Variants in CSNK1E observed in about 807,000 individuals in gnomAD.
The protein encoded by CSNK1E is casein kinase I isoform epsilon.
A neutral mutation model predicts 46.1 loss-of-function variants in CSNK1E; 17 were observed. That is an observed-to-expected ratio of 0.37 (90% CI 0.25 to 0.55). The LOEUF is 0.55. Among genes scored for constraint, CSNK1E ranks in the 20% least tolerant of loss-of-function variants. The pLI, the probability that CSNK1E is intolerant of heterozygous loss-of-function variation, is 0.82. For synonymous variants in CSNK1E, 241 were observed against 242.6 expected (o/e 0.99, Z 0.06); for missense variants, 386 against 595.4 (o/e 0.65, Z 3.66).
chr22:38,295,083 T>G (rs1383373363), intron 7 of CSNK1E, among the ~76,000 whole-genome samples: 2 of 152,268 alleles, frequency 1.3e-5, no homozygotes, highest in Non-Finnish European at 2.9e-5. Context: ...ATCAGGGAGC[T>G]GTCCTTCCCC....
At chr22:38,293,408 T>G in intron 9 of CSNK1E, 89 bp from the exon 10 acceptor site, 1 of 830,754 alleles carries the variant, frequency 1.2e-6, no homozygotes, top group South Asian at 1.5e-5. Flanking sequence ...GCGATAGAGA[T>G]TTGGCAAGTC....
rs1488831127 is a variant in CSNK1E at position 38,294,012 on chromosome 22, G to A, written c.1218+97C>T. 1.3e-5 allele frequency: 18 copies of A among 1,406,918 alleles called. No homozygotes were observed. Among genetic ancestry groups the A allele is most frequent in the Non-Finnish European group, 1.7e-5 (18 of 1,041,050 alleles). 87.2% of individuals were successfully genotyped at this position (1,406,918 alleles called of 1,614,324 possible). On this transcript the variant is annotated intron_variant, in intron 9 of 10. Transcript: ENST00000396832. This position sits in a 1 kb window ranked among gnomAD's most constrained non-coding sequence, Gnocchi z 5.5. ...GGTTCACTCCAAGGCAAGCAGCGTC[G>A]ATGGAAAGGGAAGAACAGAGCCACG... is the stretch of plus-strand genomic sequence containing the variant.
Position 38,300,964 on chromosome 22 carries a change from G to T in CSNK1E, c.337-12C>A. On this transcript the variant is annotated splice_polypyrimidine_tract_variant and intron_variant, in intron 4 of 10. Transcript: ENST00000396832. This position sits in a 1 kb window ranked among gnomAD's most constrained non-coding sequence, Gnocchi z 4.4. ...TCGATGCGGCTGATCTGGGGAGGAGGGGGGCCATTTGTTCAACAGAGGGGC... is the reference window on the plus strand; with the variant it reads ...TCGATGCGGCTGATCTGGGGAGGAGTGGGGCCATTTGTTCAACAGAGGGGC... 1 of 1,612,350 alleles carries T rather than the reference G, an allele frequency of 6.2e-7. No homozygotes were observed. The highest frequency in any genetic ancestry group is 8.5e-7 in the Non-Finnish European group (1 of 1,178,428).
intron 9 of CSNK1E, chr22:38,293,794 A>G (rs1199464298): frequency 2.0e-5 from 9 of 441,540 alleles, no homozygotes; most frequent in Non-Finnish European, 3.7e-5. Context: ...CCCTGATGTC[A>G]GGGAGCAGCA....
Position 38,294,448 on chromosome 22 carries a change from C to G in CSNK1E, c.972G>C (p.Ala324=). The G allele has an allele frequency of 1.9e-6, 3 of 1,573,480 alleles. No individual in the cohort carries two copies. Among genetic ancestry groups the G allele is most frequent in the African/African-American group, 1.4e-5 (1 of 73,720 alleles). The part of the protein sequence containing the change: ...EERMGQLRGS[A]TRALPPGPPT... ...GTGGGCCAGGGGGCAGGGCTCGGGT[C>G]GCGGACCCCCGTAGCTGCCCCATCC... is the stretch of plus-strand genomic sequence containing the variant. The change falls in exon 8 of 11, where the codon GCG becomes GCC. Residue 324 remains alanine (A), a synonymous_variant. Coordinates refer to ENST00000396832, the MANE Select transcript of CSNK1E (RefSeq NM_152221.3). This position sits in a 1 kb window ranked among gnomAD's most constrained non-coding sequence, Gnocchi z 5.5.
chr22:38,307,248 G>A (rs1206493208), intron 2 of CSNK1E, among the ~76,000 whole-genome samples: 2 of 152,040 alleles, frequency 1.3e-5, no homozygotes, highest in Admixed American at 1.3e-4. Context: ...ATTGTATTAG[G>A]TATTATAAGT....
intron 10 of CSNK1E, chr22:38,292,971 T>C (rs555338797): frequency 4.4e-6 from 2 of 456,468 alleles, no homozygotes; most frequent in East Asian, 4.6e-5. Flanking sequence ...TTCCAAAATA[T>C]GTTAAGGCAG....
intron 2 of CSNK1E, among the ~76,000 whole-genome samples, chr22:38,306,576 C>T (rs773888510): frequency 6.6e-6 from 1 of 152,060 alleles, no homozygotes; most frequent in Non-Finnish European, 1.5e-5. Context: ...ATTAAAAGTA[C>T]AAAAATTAGC....
Position 38,293,272 on chromosome 22 carries a change from C to A in CSNK1E, c.*15G>T, listed in dbSNP as rs1212691446. On this transcript the variant is annotated 3_prime_UTR_variant, in exon 10 of 11. Coordinates refer to ENST00000396832, the MANE Select transcript of CSNK1E (RefSeq NM_152221.3). ...GGACTCACCTAAGCAAACACTGGTC[C>A]AATGGGGGCTCTCCTCACTTCCCGA... The A allele has an allele frequency of 1.9e-6, 3 of 1,612,996 alleles. No homozygotes were observed. In the Admixed American group the frequency reaches 5.0e-5, roughly 27 times the overall value.
chr22:38,307,311 G>T (rs1569081309), intron 2 of CSNK1E, among the ~76,000 whole-genome samples: 1 of 152,186 alleles, frequency 6.6e-6, no homozygotes, highest in Non-Finnish European at 1.5e-5. Flanking sequence ...AGCATTTTGG[G>T]AGGCTGAGGC....
At chr22:38,296,934 C>T in intron 7 of CSNK1E, 1 of 611,364 alleles carries the variant, frequency 1.6e-6, no homozygotes, top group Non-Finnish European at 2.9e-6. Context: ...ACCACCATGC[C>T]CAGCTAATTT....
chr22:38,297,174 A>G (rs1412004908), intron 7 of CSNK1E: 3 of 778,260 alleles, frequency 3.9e-6, no homozygotes, highest in Non-Finnish European at 7.2e-6. Flanking sequence ...TACAAAATCC[A>G]TTCTTGCAGT....
intron 1 of CSNK1E, chr22:38,316,523 T>C (rs910961275): frequency 6.6e-6 from 1 of 152,182 alleles, no homozygotes; most frequent in Admixed American, 6.5e-5. Context: ...CCAGACACTG[T>C]TTTGCGTTCC....
At position 38,290,871 on chromosome 22, in the gene CSNK1E, GA is replaced by G. The variant is rs1448020023; in HGVS notation, c.*1099del. The stretch of plus-strand genomic sequence containing the variant: ...TTGCTCTTTAATTAAAAAAAAAAAG[GA>G]AAAAGGGGAAACAGAGGTAAATAAA... On this transcript the variant is annotated 3_prime_UTR_variant, in exon 11 of 11. Transcript: ENST00000396832. The G allele has an allele frequency of 7.1e-6, 1 of 141,696 alleles. No homozygotes were observed. The highest frequency in any genetic ancestry group is 7.0e-5 in the Admixed American group (1 of 14,282). 8.8% of individuals were successfully genotyped at this position (141,696 alleles called of 1,614,324 possible). A position where few individuals can be genotyped will look rare whatever the true frequency, so the allele number is the denominator to read the frequency against.
chr22:38,307,994 A>G (rs2145845963), intron 2 of CSNK1E, among the ~76,000 whole-genome samples: 1 of 152,276 alleles, frequency 6.6e-6, no homozygotes, highest in African/African-American at 2.4e-5. Flanking sequence ...CTGGCCCAGG[A>G]GGGCTGTATT....
At chr22:38,307,664 C>T (rs529380434) in intron 2 of CSNK1E, among the ~76,000 whole-genome samples, 1 of 152,318 alleles carries the variant, frequency 6.6e-6, no homozygotes, top group South Asian at 2.1e-4. Context: ...ATCCTGGAAC[C>T]TATTCCCCAC....
chr22:38,299,926 C>T lies in CSNK1E; in HGVS notation c.705G>A (p.Thr235=), dbSNP rs1803339. Residue 235 remains threonine, a synonymous_variant, in exon 6 of 11, where the codon ACG becomes ACA. Transcript: ENST00000396832. ...AGCCTTTGCAGAGGACCTCGATGGG[C>T]GTTGACATCTTCTTCTCGCTGATCC... The part of the protein sequence containing the change: ...YERISEKKMS[T]PIEVLCKGYP... 7.7e-4 allele frequency: 1,249 copies of T among 1,614,158 alleles called. 10 individuals carry two copies. The African/African-American group carries it at 0.014, about 18-fold the overall frequency.
At chr22:38,299,023 G>GTA (rs1569077199) in intron 6 of CSNK1E, 89 bp from the exon 7 acceptor site, 1 of 1,429,750 alleles carries the variant, frequency 7.0e-7, no homozygotes, top group Non-Finnish European at 9.8e-7. Flanking sequence ...GCCACCCACT[G>GTA]TCCCTAGATA....
At position 38,302,891 on chromosome 22, in the gene CSNK1E, G is replaced by C; in HGVS notation, c.306C>G (p.Leu102=). ...GGTCGGCCAAGAGCAGCACCGTCTT[G>C]AGGCTGAATTTGCGGGAACAGAAGT... The part of the protein sequence containing the change: ...LFNFCSRKFS[L]KTVLLLADQM... The change falls in exon 4 of 11, where the codon CTC becomes CTG. Residue 102 remains leucine, a synonymous_variant. Coordinates refer to ENST00000396832, the MANE Select transcript of CSNK1E (RefSeq NM_152221.3). 6.2e-7 allele frequency: 1 copy of C among 1,614,150 alleles called. No individual in the cohort carries two copies.
Sources: allele counts gnomAD v4.1 joint callset (sites outside exome capture counted in the v4.1 genomes callset), GRCh38; gene constraint gnomAD v4.1.1; non-coding constraint Gnocchi (gnomAD v3.1); transcripts MANE v1.5; gene names NCBI Gene and HGNC (gene_info 2026-07-23, HGNC 2026-07-21).